Variants in ALDH1L2 observed in about 807,000 individuals in gnomAD.
The protein encoded by ALDH1L2 is mitochondrial 10-formyltetrahydrofolate dehydrogenase.
ALDH1L2 carries 91 observed loss-of-function variants against 111.0 expected under a neutral mutation model. The ratio of observed to expected loss-of-function variants is 0.82; its 90% CI spans 0.69 to 0.98. ALDH1L2 has a LOEUF of 0.98. Ranked by LOEUF, ALDH1L2 falls within the 50% of genes least tolerant of loss-of-function variation. The probability of loss-of-function intolerance (pLI) is 0.00; values close to 1 mark genes in which losing one functional copy is unlikely to be tolerated. For missense variants in ALDH1L2, 995 were observed against 1,126.8 expected (o/e 0.88, Z 1.67); for synonymous variants, 374 against 392.6 (o/e 0.95, Z 0.56).
At chr12:105,050,582 T>G (rs1876194870) in intron 12 of ALDH1L2, 1 of 394,700 alleles carries the variant, frequency 2.5e-6, no homozygotes, top group African/African-American at 2.1e-5. Context: ...ACTTCTCTAT[T>G]TATTTTTCTT....
intron 5 of ALDH1L2, among the ~76,000 whole-genome samples, chr12:105,065,784 G>C (rs1239361791): frequency 6.6e-6 from 1 of 151,834 alleles, no homozygotes. Context: ...TTTGTCTCAG[G>C]TTTATGGGAC....
chr12:105,038,296 AC>A, intron 17 of ALDH1L2, 94 bp from the exon 18 acceptor site: 2 of 589,484 alleles, frequency 3.4e-6, no homozygotes, highest in Non-Finnish European at 5.9e-6. Flanking sequence ...ACACACACAC[AC>A]ACACACACAC....
intron 10 of ALDH1L2, among the ~76,000 whole-genome samples, chr12:105,056,104 C>T (rs946366564): frequency 2.0e-5 from 3 of 151,966 alleles, no homozygotes; most frequent in African/African-American, 7.2e-5. Flanking sequence ...TCAAAGGCTC[C>T]ACACCTAGAC....
At chr12:105,082,365 T>A (rs1450254343) in intron 1 of ALDH1L2, among the ~76,000 whole-genome samples, 3 of 152,192 alleles carry the variant, frequency 2.0e-5, no homozygotes, top group Admixed American at 2.0e-4. Flanking sequence ...CAATCCTTCC[T>A]CCTATCTCCA....
intron 16 of ALDH1L2, 83 bp from the exon 17 acceptor site, chr12:105,039,889 G>T: frequency 1.7e-6 from 2 of 1,154,960 alleles, no homozygotes; most frequent in Non-Finnish European, 2.6e-6. Flanking sequence ...CCCGCACTTT[G>T]GGAGGCTGAG....
chr12:105,065,234 AGGGGGGT>A, intron 6 of ALDH1L2, 26 bp downstream of exon 6: 1 of 1,072,066 alleles, frequency 9.3e-7, no homozygotes, highest in Non-Finnish European at 1.3e-6. Context: ...ATAATCGGGG[AGGGGGGT>A]GGGGGGAGTG....
At chr12:105,042,907 A>C (rs1037817193) in intron 15 of ALDH1L2, among the ~76,000 whole-genome samples, 4 of 152,220 alleles carry the variant, frequency 2.6e-5, no homozygotes, top group African/African-American at 9.6e-5. Flanking sequence ...CTTAAAAACC[A>C]ACGTCCATTC....
rs760060153 is a variant in ALDH1L2 at position 105,046,720 on chromosome 12, T to A, written c.1853A>T (p.Lys618Met). Residue 618 changes from lysine (K) to methionine (M), a missense_variant, in exon 15 of 23, where the codon AAG becomes ATG. Coordinates refer to ENST00000258494, the MANE Select transcript of ALDH1L2 (RefSeq NM_001034173.4). The stretch of plus-strand genomic sequence containing the variant: ...CCTTTGTGGCCTTACCTGTGCTGGC[T>A]TGAGCACTAAGGTATTGCCTGCTGC... ...CLAAGNTLVLKPAQVTPLTAL... is the reference protein window; with the variant it reads ...CLAAGNTLVLMPAQVTPLTAL... 6.2e-7 allele frequency: 1 copy of A among 1,614,164 alleles called. No homozygotes were observed. Among genetic ancestry groups the A allele is most frequent in the African/African-American group, 1.3e-5 (1 of 75,062 alleles).
chr12:105,032,174 C>CTTTT (rs59767606), intron 19 of ALDH1L2, among the ~76,000 whole-genome samples: 3 of 105,942 alleles, frequency 2.8e-5, no homozygotes, highest in African/African-American at 3.6e-5. Flanking sequence ...CCTCGAACTT[C>CTTTT]TTTTTTTTTT....
chr12:105,076,826 C>G (rs1235568987), intron 1 of ALDH1L2, among the ~76,000 whole-genome samples: 2 of 152,110 alleles, frequency 1.3e-5, no homozygotes, highest in Non-Finnish European at 2.9e-5. Flanking sequence ...CTATGTTGAG[C>G]CCTTTTCATT....
chr12:105,070,822 G>T lies in ALDH1L2; in HGVS notation c.194-18C>A, dbSNP rs1350061256. On this transcript the variant is annotated intron_variant, in intron 2 of 22. Coordinates refer to ENST00000258494, the MANE Select transcript of ALDH1L2 (RefSeq NM_001034173.4). Reference sequence around the variant, plus strand: ...AGCCAAAGCTGAGCATAAAAAAGAAGATTTTTTTTTTAGAAGTTAGCCATA... The same window carrying T: ...AGCCAAAGCTGAGCATAAAAAAGAATATTTTTTTTTTAGAAGTTAGCCATA... 5 of 1,580,116 alleles carry T rather than the reference G, an allele frequency of 3.2e-6. No individual in the cohort carries two copies. The Admixed American group carries it at 5.7e-5, about 18-fold the overall frequency.
At chr12:105,064,395 A>G (rs922135896) in intron 6 of ALDH1L2, among the ~76,000 whole-genome samples, 27 of 152,094 alleles carry the variant, frequency 1.8e-4, no homozygotes, top group African/African-American at 6.3e-4. Context: ...CCGAGGTTAC[A>G]CAGTAAATTT....
chr12:105,065,165 A>C, intron 6 of ALDH1L2, 102 bp downstream of exon 6: 1 of 701,122 alleles, frequency 1.4e-6, no homozygotes, highest in Non-Finnish European at 2.4e-6. Context: ...GACCTGCCTC[A>C]TGACCAAGGA....
intron 20 of ALDH1L2, among the ~76,000 whole-genome samples, chr12:105,030,852 A>G (rs919923657): frequency 6.6e-6 from 1 of 152,198 alleles, no homozygotes; most frequent in Non-Finnish European, 1.5e-5. Flanking sequence ...TTCAGAGTTT[A>G]TATTTTAATT....
chr12:105,075,539 C>T (rs918703397), intron 1 of ALDH1L2, among the ~76,000 whole-genome samples: 24 of 152,268 alleles, frequency 1.6e-4, no homozygotes, highest in Middle Eastern at 3.4e-3. Flanking sequence ...GAGCTGAGAT[C>T]GCACCATTGC....
chr12:105,048,465 T>A (rs1876050824), intron 13 of ALDH1L2: 1 of 152,168 alleles, frequency 6.6e-6, no homozygotes, highest in Non-Finnish European at 1.5e-5. Flanking sequence ...GAATGCTTTG[T>A]TAAATTCCTC....
intron 15 of ALDH1L2, among the ~76,000 whole-genome samples, chr12:105,045,862 T>C (rs1163034196): frequency 2.6e-5 from 4 of 152,126 alleles, no homozygotes; most frequent in African/African-American, 7.2e-5. Context: ...CCACGACTTA[T>C]GCACCTCAGA....
intron 10 of ALDH1L2, 123 bp downstream of exon 10, chr12:105,057,950 C>G: frequency 1.7e-6 from 2 of 1,194,106 alleles, no homozygotes; most frequent in East Asian, 2.6e-5. Context: ...TGAATTAGAT[C>G]TCAGTAAAGC....
At chr12:105,078,657 A>T (rs1406256009) in intron 1 of ALDH1L2, among the ~76,000 whole-genome samples, 1 of 152,182 alleles carries the variant, frequency 6.6e-6, no homozygotes, top group Non-Finnish European at 1.5e-5. Flanking sequence ...TACACTAAAG[A>T]TAAAAAGAAG....
Sources: gnomAD v4.1 joint callset for allele counts (sites outside exome capture counted in the v4.1 genomes callset) on GRCh38, gnomAD v4.1.1 for gene constraint, MANE v1.5 for transcripts, NCBI Gene and HGNC (gene_info 2026-07-23, HGNC 2026-07-21) for gene names.